Variants in C12orf56 observed in about 807,000 individuals in gnomAD.
C12orf56 encodes the protein chromosome 12 open reading frame 56.
In C12orf56, 71 loss-of-function variants were observed where a neutral mutation model predicts 69.9. The observed-to-expected ratio is 1.02, with a 90% CI of 0.84 to 1.24. The LOEUF (loss-of-function observed/expected upper bound fraction) is 1.24, where lower values mean the gene tolerates loss of function less well. Among genes scored for constraint, C12orf56 ranks in the 50% most tolerant of loss-of-function variants. C12orf56 has a pLI of 0.00. For missense variants in C12orf56, 732 were observed against 738.5 expected, an observed-to-expected ratio of 0.99 and a Z score of 0.10; for synonymous variants, 276 against 274.1, an observed-to-expected ratio of 1.01 and a Z score of -0.07.
At chr12:64,372,446 C>T (rs1324277738) in intron 1 of C12orf56, among the ~76,000 whole-genome samples, 1 of 152,120 alleles carries the variant, frequency 6.6e-6, no homozygotes, top group African/African-American at 2.4e-5. Context: ...TTATTTTAAC[C>T]TAAATCTTAA....
At chr12:64,332,088 G>A (rs1592461212) in intron 2 of C12orf56, among the ~76,000 whole-genome samples, 1 of 151,908 alleles carries the variant, frequency 6.6e-6, no homozygotes, top group Non-Finnish European at 1.5e-5. Context: ...ACGGATCACT[G>A]GAGGCCAGGA....
chr12:64,361,257 A>C (rs1254207100), intron 1 of C12orf56, among the ~76,000 whole-genome samples: 1 of 152,020 alleles, frequency 6.6e-6, no homozygotes, highest in Non-Finnish European at 1.5e-5. Context: ...TTGAACCAGC[A>C]CTGTATTTGT....
intron 3 of C12orf56, among the ~76,000 whole-genome samples, chr12:64,328,413 G>T (rs902563778): frequency 6.6e-6 from 1 of 151,870 alleles, no homozygotes; most frequent in Non-Finnish European, 1.5e-5. Context: ...AGGCACAGTG[G>T]CTCATGCCTG....
At chr12:64,272,378 G>T (rs186896834) in intron 11 of C12orf56, among the ~76,000 whole-genome samples, 2,235 of 151,816 alleles carry the variant, frequency 0.015, 38 homozygotes, top group Non-Finnish European at 0.024. Flanking sequence ...GGTGGCAGGT[G>T]CCTGTAATCC....
At chr12:64,298,617 G>A (rs10784400) in intron 6 of C12orf56, among the ~76,000 whole-genome samples, 106,605 of 151,598 alleles carry the variant, frequency 0.7, 38,627 homozygotes, top group Non-Finnish European at 0.8. Context: ...AGTTTTCCCA[G>A]CACCATTTAT....
chr12:64,328,616 G>T (rs1405513605), intron 3 of C12orf56, among the ~76,000 whole-genome samples: 6 of 143,748 alleles, frequency 4.2e-5, no homozygotes, highest in Admixed American at 7.4e-5. Flanking sequence ...GCAGGCGGAG[G>T]TTGCAGTGAG....
intron 1 of C12orf56, among the ~76,000 whole-genome samples, chr12:64,380,497 T>C (rs964748235): frequency 5.3e-5 from 8 of 152,178 alleles, no homozygotes; most frequent in Admixed American, 3.9e-4. Flanking sequence ...AGAGGCAAGG[T>C]CCTACTCCCA....
chr12:64,296,105 A>T (rs1432613045), intron 6 of C12orf56, among the ~76,000 whole-genome samples: 1 of 152,164 alleles, frequency 6.6e-6, no homozygotes, highest in Admixed American at 6.5e-5. Flanking sequence ...AGATTTTGGT[A>T]CCAGAAGTGG....
At chr12:64,318,354 T>C (rs955159518) in intron 4 of C12orf56, among the ~76,000 whole-genome samples, 2 of 152,120 alleles carry the variant, frequency 1.3e-5, no homozygotes, top group African/African-American at 2.4e-5. Flanking sequence ...TGAGCCACCA[T>C]GCCCGTCCAG....
chr12:64,332,831 T>C (rs1162567346), intron 2 of C12orf56, among the ~76,000 whole-genome samples: 1 of 152,200 alleles, frequency 6.6e-6, no homozygotes, highest in Non-Finnish European at 1.5e-5. Context: ...GCCAAGCTGC[T>C]TAGACCCCAG....
At position 64,305,986 on chromosome 12, in the gene C12orf56, G is replaced by A. The variant is rs369442520; in HGVS notation, c.969-2207C>T. Among the ~76,000 whole-genome samples the A allele has an allele frequency of 1.7e-4, 26 of 152,228 alleles. 1 individual carries two copies. The South Asian group carries it at 5.4e-3, about 32-fold the overall frequency. Reference sequence around the variant, plus strand: ...TTTTTTCATTTGGAGTCAGCAATTTGCTAAGATCCGCAACAAAAATAAACT... The same window carrying A: ...TTTTTTCATTTGGAGTCAGCAATTTACTAAGATCCGCAACAAAAATAAACT... On this transcript the variant is annotated intron_variant, in intron 5 of 12. Transcript: ENST00000543942.
At chr12:64,334,324 G>A (rs560685105) in intron 2 of C12orf56, among the ~76,000 whole-genome samples, 3 of 152,034 alleles carry the variant, frequency 2.0e-5, no homozygotes, top group African/African-American at 7.2e-5. Flanking sequence ...AAATATCTAG[G>A]TTTTACATTT....
intron 5 of C12orf56, among the ~76,000 whole-genome samples, chr12:64,304,343 A>T (rs1456175321): frequency 3.9e-5 from 6 of 152,166 alleles, no homozygotes; most frequent in African/African-American, 1.4e-4. Context: ...GCCTAGCTGG[A>T]AAAAGGAATC....
intron 1 of C12orf56, among the ~76,000 whole-genome samples, chr12:64,381,023 A>G (rs2039713489): frequency 6.6e-6 from 1 of 152,208 alleles, no homozygotes; most frequent in African/African-American, 2.4e-5. Flanking sequence ...ATTGCAATAG[A>G]GAAAGAGTAA....
chr12:64,311,989 T>TA (rs1470685653), intron 5 of C12orf56, among the ~76,000 whole-genome samples: 1 of 151,882 alleles, frequency 6.6e-6, no homozygotes, highest in Non-Finnish European at 1.5e-5. Context: ...CCAGAGATAG[T>TA]AAAGGCGCAA....
chr12:64,315,387 G>A (rs962857326), intron 4 of C12orf56, among the ~76,000 whole-genome samples: 14 of 150,666 alleles, frequency 9.3e-5, no homozygotes, highest in African/African-American at 3.4e-4. Context: ...TTTAATTTGG[G>A]GTATCCCATA....
At chr12:64,269,459 G>C (rs2037954225) in intron 12 of C12orf56, among the ~76,000 whole-genome samples, 1 of 152,064 alleles carries the variant, frequency 6.6e-6, no homozygotes, top group African/African-American at 2.4e-5. Flanking sequence ...TACTGAGAGG[G>C]GTAAGTGAAA....
intron 3 of C12orf56, among the ~76,000 whole-genome samples, chr12:64,325,449 C>T (rs1182174195): frequency 6.6e-6 from 1 of 151,984 alleles, no homozygotes; most frequent in African/African-American, 2.4e-5. Flanking sequence ...TAAATTCAAG[C>T]CCCTACAGTC....
chr12:64,296,416 T>C (rs947732398), intron 6 of C12orf56, among the ~76,000 whole-genome samples: 1 of 152,206 alleles, frequency 6.6e-6, no homozygotes, highest in Admixed American at 6.5e-5. Flanking sequence ...ATCTTCCTTT[T>C]GGAATGGGAA....
Sources: allele counts gnomAD v4.1 joint callset (sites outside exome capture counted in the v4.1 genomes callset), GRCh38; gene constraint gnomAD v4.1.1; transcripts MANE v1.5; gene names NCBI Gene and HGNC (gene_info 2026-07-23, HGNC 2026-07-21).